The following ILK variants were observed in gnomAD, a reference collection of about 807,000 sequenced individuals.
ILK encodes scaffold protein ILK.
Under a neutral mutation model 57.8 loss-of-function variants are expected in ILK, and 37 were observed. That is an observed-to-expected ratio of 0.64 (90% CI 0.49 to 0.84). ILK has a LOEUF of 0.84. Ranked by LOEUF, ILK falls within the 40% of genes least tolerant of loss-of-function variation. The pLI, the probability that ILK is intolerant of heterozygous loss-of-function variation, is 0.00. For missense variants in ILK, 528 were observed against 595.7 expected (o/e 0.89, Z 1.18); for synonymous variants, 231 against 202.2 (o/e 1.14, Z -1.21).
chr11:6,608,465 T>C lies in ILK; in HGVS notation c.327T>C (p.Phe109=). 1.9e-6 allele frequency: 3 copies of C among 1,614,114 alleles called. No homozygotes were observed. The highest frequency in any genetic ancestry group is 2.2e-5 in the East Asian group (1 of 44,880). ...ATGTGCCCCTGCACTATGCCTGTTTTTGGGGCCAAGATCAAGTGGCAGAGG... is the reference window on the plus strand; with the variant it reads ...ATGTGCCCCTGCACTATGCCTGTTTCTGGGGCCAAGATCAAGTGGCAGAGG... ...HGNVPLHYAC[F]WGQDQVAEDL... Residue 109 remains phenylalanine, a synonymous_variant, in exon 4 of 13, where the codon TTT becomes TTC. Coordinates refer to ENST00000299421, the MANE Select transcript of ILK (RefSeq NM_004517.4). This position sits in a 1 kb window ranked among gnomAD's most constrained non-coding sequence, Gnocchi z 4.9.
At chr11:6,609,217 CTGTTT>C (rs1295702854) in intron 7 of ILK, 61 bp downstream of exon 7, 6 of 1,600,222 alleles carry the variant, frequency 3.7e-6, no homozygotes, top group South Asian at 1.1e-5. Context: ...TGCTTTGTAC[CTGTTT>C]TAAGTTTTTC....
At chr11:6,607,865 T>G (rs1237670522) in intron 2 of ILK, 181 bp from the exon 3 acceptor site, 1 of 619,274 alleles carries the variant, frequency 1.6e-6, no homozygotes, top group Non-Finnish European at 2.9e-6. Context: ...GGTGGTTGGT[T>G]TGGTTTGAAG....
chr11:6,609,250 G>A (rs773816755), intron 7 of ILK, 49 bp from the exon 8 acceptor site: 4 of 1,603,940 alleles, frequency 2.5e-6, no homozygotes, highest in East Asian at 2.2e-5. Context: ...TAGTGGGCAA[G>A]GAAGTGGCAG....
chr11:6,604,355 C>T lies in ILK; in HGVS notation c.84C>T (p.Asn28=), dbSNP rs1219946528. The change falls in exon 2 of 13, where the codon AAC becomes AAT. Residue 28 remains asparagine, a synonymous_variant. Transcript: ENST00000299421. ...TGGACAACACGGAGAACGACCTCAA[C>T]CAGGGGTGAGCTGAAACGGTTGGTG... ...LWLDNTENDL[N]QGDDHGFSPL... is the part of the protein sequence containing the mutation. 2 of 1,607,688 alleles carry T rather than the reference C, an allele frequency of 1.2e-6. No homozygotes were observed. The highest frequency in any genetic ancestry group is 2.2e-5 in the South Asian group (2 of 89,822).
At position 6,609,173 on chromosome 11, in the gene ILK, T is replaced by C. The variant is rs1020416627; in HGVS notation, c.618+17T>C. Reference sequence around the variant, plus strand: ...TCTGGAGAGGTGACCCCTGCCCTTCTTGCCCTTCCCTCACTAAACCCCCAT... The same window carrying C: ...TCTGGAGAGGTGACCCCTGCCCTTCCTGCCCTTCCCTCACTAAACCCCCAT... On this transcript the variant is annotated intron_variant, in intron 7 of 12. Coordinates refer to ENST00000299421, the MANE Select transcript of ILK (RefSeq NM_004517.4). The C allele has an allele frequency of 6.2e-7, 1 of 1,610,824 alleles. No individual in the cohort carries two copies. Among genetic ancestry groups the C allele is most frequent in the Admixed American group, 1.7e-5 (1 of 60,026 alleles).
intron 11 of ILK, 42 bp from the exon 12 acceptor site, chr11:6,610,106 G>GACAGGCAAGGGGGCCAGA: frequency 6.2e-7 from 1 of 1,613,902 alleles, no homozygotes; most frequent in Admixed American, 1.7e-5. Context: ...GCAGAGACAG[G>GACAGGCAAGGGGGCCAGA]ACAGGCAAGG....
At chr11:6,606,485 C>T (rs951606705) in intron 2 of ILK, 1 of 152,140 alleles carries the variant, frequency 6.6e-6, no homozygotes, top group African/African-American at 2.4e-5. Context: ...CTGATAAAGA[C>T]AGTAAGCACT....
chr11:6,608,679 G>C lies in ILK; in HGVS notation c.352-15G>C. ...GGTAGCAGTGGCTCTCATCATAATG[G>C]CCTTTTCATTCCAGGACCTGGTGGC... On this transcript the variant is annotated splice_polypyrimidine_tract_variant and intron_variant, in intron 4 of 12. Coordinates refer to ENST00000299421, the MANE Select transcript of ILK (RefSeq NM_004517.4). This position sits in a 1 kb window ranked among gnomAD's most constrained non-coding sequence, Gnocchi z 4.9. 1.9e-6 allele frequency: 3 copies of C among 1,605,000 alleles called. No homozygotes were observed. Among genetic ancestry groups the C allele is most frequent in the Non-Finnish European group, 2.6e-6 (3 of 1,171,608 alleles).
In ILK at chr11:6,610,140, C is replaced by T. The variant is rs972559469; in HGVS notation, c.1079-8C>T. On this transcript the variant is annotated splice_polypyrimidine_tract_variant and splice_region_variant and intron_variant, in intron 11 of 12. Coordinates refer to ENST00000299421, the MANE Select transcript of ILK (RefSeq NM_004517.4). ...GGGGGCCAGAACAGACAAGCCCTAT[C>T]TCTCCAGCTCTGCAGAAGAAGCCTG... The T allele has an allele frequency of 8.1e-6, 13 of 1,614,100 alleles. No individual in the cohort carries two copies. Among genetic ancestry groups the T allele is most frequent in the African/African-American group, 1.3e-5 (1 of 74,946 alleles).
Position 6,608,087 on chromosome 11 carries a change from A to C in ILK, c.131A>C (p.Glu44Ala). 1 of 1,614,142 alleles carries C rather than the reference A, an allele frequency of 6.2e-7. No homozygotes were observed. The highest frequency in any genetic ancestry group is 1.3e-5 in the African/African-American group (1 of 75,018). Reference sequence around the variant, plus strand: ...TCCCCCTTGCACTGGGCCTGCCGAGAGGGCCGCTCTGCTGTGGTTGAGATG... The same window carrying C: ...TCCCCCTTGCACTGGGCCTGCCGAGCGGGCCGCTCTGCTGTGGTTGAGATG... ...GFSPLHWACREGRSAVVEMLI... is the reference protein window; with the variant it reads ...GFSPLHWACRAGRSAVVEMLI... The change falls in exon 3 of 13, where the codon GAG becomes GCG. Residue 44 changes from glutamate to alanine, a missense_variant. Physicochemically the swap from Glu to Ala is moderately radical, Grantham distance 107 (BLOSUM62 -1). Coordinates refer to ENST00000299421, the MANE Select transcript of ILK (RefSeq NM_004517.4). The surrounding 1 kb of genome is among the most constrained non-coding windows in gnomAD (Gnocchi z 4.9).
chr11:6,608,970 G>C lies in ILK; in HGVS notation c.532+3G>C. The C allele has an allele frequency of 6.2e-7, 1 of 1,614,124 alleles. No individual in the cohort carries two copies. Among genetic ancestry groups the C allele is most frequent in the Non-Finnish European group, 8.5e-7 (1 of 1,179,970 alleles). On this transcript the variant is annotated splice_donor_region_variant and intron_variant, in intron 6 of 12. Transcript: ENST00000299421. The surrounding 1 kb of genome is among the most constrained non-coding windows in gnomAD (Gnocchi z 4.9). ...GGGGACCACCCGCACTCGGCCCCGT[G>C]AGTCACCACTGTGGGAAGAAGGGTT...
In ILK at chr11:6,608,702, G is replaced by A. The variant is rs1293021638; in HGVS notation, c.360G>A (p.Val120=). Reference sequence around the variant, plus strand: ...TGGCCTTTTCATTCCAGGACCTGGTGGCAAATGGGGCCCTTGTCAGCATCT... The same window carrying A: ...TGGCCTTTTCATTCCAGGACCTGGTAGCAAATGGGGCCCTTGTCAGCATCT... ...WGQDQVAEDL[V]ANGALVSICN... is the part of the protein sequence containing the mutation. The change falls in exon 5 of 13, where the codon GTG becomes GTA. Residue 120 remains valine, a synonymous_variant. Coordinates refer to ENST00000299421, the MANE Select transcript of ILK (RefSeq NM_004517.4). This position sits in a 1 kb window ranked among gnomAD's most constrained non-coding sequence, Gnocchi z 4.9. 1.2e-6 allele frequency: 2 copies of A among 1,613,984 alleles called. No individual in the cohort carries two copies. The highest frequency in any genetic ancestry group is 1.7e-5 in the Admixed American group (1 of 60,030).
In ILK at chr11:6,604,611, A is replaced by AG; in HGVS notation, c.89+256dup. 3 of 594,548 alleles carry AG rather than the reference A, an allele frequency of 5.0e-6. No individual in the cohort carries two copies. The South Asian group carries it at 5.6e-5, about 11-fold the overall frequency. The allele number at this position is 594,548 out of a possible 1,614,324, so 36.8% of individuals were successfully genotyped here. On this transcript the variant is annotated intron_variant, in intron 2 of 12. Transcript: ENST00000299421. ...TCAGTAGACTGCATGGCCAAAGGCT[A>AG]GGGGGCAAGGCACAGAGCAGAGAGA...
intron 1 of ILK, 77 bp downstream of exon 1, chr11:6,603,899 G>T (rs748861439): frequency 8.9e-4 from 385 of 431,884 alleles, no homozygotes; most frequent in Middle Eastern, 1.9e-3. Context: ...AGCCAACCCT[G>T]GGGAGGACCC....
intron 2 of ILK, 63 bp from the exon 3 acceptor site, chr11:6,607,983 C>CA: frequency 6.5e-7 from 1 of 1,546,286 alleles, no homozygotes; most frequent in South Asian, 1.1e-5. Context: ...ATCAGTTTTT[C>CA]AGGAATCAAA....
At position 6,604,769 on chromosome 11, in the gene ILK, A is replaced by G. The variant is rs1011150230; in HGVS notation, c.89+409A>G. On this transcript the variant is annotated intron_variant, in intron 2 of 12. Transcript: ENST00000299421. ...CAAGGATCAGCCAGATCATGCAAGC[A>G]TATTTAGGCTATAAGAAGGTCTTTA... The G allele has an allele frequency of 7.8e-5, 37 of 471,940 alleles. No individual in the cohort carries two copies. In the Middle Eastern group the frequency reaches 2.1e-3, roughly 27 times the overall value. The allele number at this position is 471,940 out of a possible 1,614,324, so 29.2% of individuals were successfully genotyped here.
chr11:6,607,945 G>A, intron 2 of ILK, 101 bp from the exon 3 acceptor site: 2 of 1,238,762 alleles, frequency 1.6e-6, no homozygotes, highest in South Asian at 2.5e-5. Context: ...GTCCTAGAGA[G>A]GTAAGCCTTC....
In ILK at chr11:6,609,780, A is replaced by G. The variant is rs1855315009; in HGVS notation, c.913A>G (p.Met305Val). 1 of 1,614,130 alleles carries G rather than the reference A, an allele frequency of 6.2e-7. No individual in the cohort carries two copies. Among genetic ancestry groups the G allele is most frequent in the East Asian group, 2.2e-5 (1 of 44,874 alleles). ...VKFALDMARG[M>V]AFLHTLEPLI... ...GTTTGCTTTGGACATGGCAAGGGGC[A>G]TGGCCTTCCTACACACACTAGAGCC... Residue 305 changes from methionine to valine, a missense_variant, in exon 10 of 13, where the codon ATG becomes GTG. Physicochemically the swap from Met to Val is conservative, Grantham distance 21. Coordinates refer to ENST00000299421, the MANE Select transcript of ILK (RefSeq NM_004517.4).
intron 2 of ILK, chr11:6,607,772 G>T (rs1430970831): frequency 1.2e-5 from 6 of 483,748 alleles, no homozygotes; most frequent in Non-Finnish European, 2.3e-5. Context: ...GAAACCAGGG[G>T]AAGAGCACTA....
Sources: allele counts gnomAD v4.1 joint callset, GRCh38; gene constraint gnomAD v4.1.1; non-coding constraint Gnocchi (gnomAD v3.1); transcripts MANE v1.5; gene names NCBI Gene and HGNC (gene_info 2026-07-23, HGNC 2026-07-21).